Variants in DGKH observed in about 807,000 individuals in gnomAD.
DGKH encodes diacylglycerol kinase eta, also known as DAG kinase eta.
A neutral mutation model predicts 159.3 loss-of-function variants in DGKH; 90 were observed. The ratio of observed to expected loss-of-function variants is 0.57; its 90% confidence interval spans 0.48 to 0.67. The LOEUF (loss-of-function observed/expected upper bound fraction) is 0.67, where lower values mean the gene tolerates loss of function less well. Ranked by LOEUF, DGKH falls within the 30% of genes least tolerant of loss-of-function variation. DGKH has a pLI of 0.00. For missense variants in DGKH, 1,181 were observed against 1,506.1 expected (o/e 0.78, Z 3.57); for synonymous variants, 536 against 553.8 (o/e 0.97, Z 0.45).
intron 1 of DGKH, chr13:42,070,140 G>A (rs1882859044): frequency 1.1e-6 from 1 of 918,826 alleles, no homozygotes; most frequent in South Asian, 1.3e-5. Context: ...AAGAACATAT[G>A]CTCATGTAAG....
intron 1 of DGKH, among the ~76,000 whole-genome samples, chr13:42,120,110 G>A (rs1955041296): frequency 6.6e-6 from 1 of 152,158 alleles, no homozygotes; most frequent in Non-Finnish European, 1.5e-5. Context: ...CTGAACCGTT[G>A]TTTGGTTATT....
At position 42,063,948 on chromosome 13, in the gene DGKH, A is replaced by ATAT. The variant is rs554731471; in HGVS notation, c.192+14983_192+14984insTAT. ...GAGCAAAACTCCGTCTGAAAAAAAA[A>ATAT]ATATATATATATATATACTGTGGGC... On this transcript the variant is annotated intron_variant, in intron 1 of 29. Coordinates refer to ENST00000337343, the MANE Select transcript of DGKH (RefSeq NM_178009.5). Among the ~76,000 whole-genome samples, 986 of 128,830 alleles carry ATAT rather than the reference A, an allele frequency of 7.7e-3. 6 individuals carry two copies. Among genetic ancestry groups the ATAT allele is most frequent in the Non-Finnish European group, 8.6e-3 (505 of 58,576 alleles). The allele number at this position is 128,830 out of a possible 152,430, so 84.5% of individuals were successfully genotyped here.
At chr13:42,198,837 T>C (rs1271495503) in intron 18 of DGKH, among the ~76,000 whole-genome samples, 1 of 152,158 alleles carries the variant, frequency 6.6e-6, no homozygotes, top group Non-Finnish European at 1.5e-5. Context: ...AGCAACCCTC[T>C]GGCAAAGGAA....
chr13:42,253,686 C>T (rs934574403), intron 30 of DGKH, among the ~76,000 whole-genome samples: 1 of 152,126 alleles, frequency 6.6e-6, no homozygotes, highest in Non-Finnish European at 1.5e-5. Context: ...TTGAATTTAG[C>T]CATTGTGGTA....
intron 1 of DGKH, among the ~76,000 whole-genome samples, chr13:42,111,450 C>T (rs763402377): frequency 2.0e-5 from 3 of 152,022 alleles, no homozygotes; most frequent in African/African-American, 7.2e-5. Context: ...CGTGGTGGCA[C>T]GTGCCTGTAG....
chr13:42,067,584 G>T (rs1478014620), intron 1 of DGKH, among the ~76,000 whole-genome samples: 1 of 152,142 alleles, frequency 6.6e-6, no homozygotes, highest in Non-Finnish European at 1.5e-5. Flanking sequence ...ACCATTGTGT[G>T]TGCTAACGCC....
In DGKH at chr13:42,070,186, A is replaced by G. The variant is rs1398535038; in HGVS notation, c.192+21221A>G. ...CGCTTCTTCTGCTATTAACCAATCC[A>G]TGGGGCTAAATGTCAAAATTTGTTC... is the stretch of plus-strand genomic sequence containing the variant. On this transcript the variant is annotated intron_variant, in intron 1 of 29. Transcript: ENST00000337343. 21 of 950,032 alleles carry G rather than the reference A, an allele frequency of 2.2e-5. No homozygotes were observed. In the East Asian group the frequency reaches 2.9e-4, roughly 13 times the overall value. 58.9% of individuals were successfully genotyped at this position (950,032 alleles called of 1,614,324 possible). A position where few individuals can be genotyped will look rare whatever the true frequency, so the allele number is the denominator to read the frequency against.
chr13:42,219,581 A>T, intron 27 of DGKH, 105 bp from the exon 28 acceptor site: 1 of 1,239,928 alleles, frequency 8.1e-7, no homozygotes, highest in East Asian at 2.5e-5. Flanking sequence ...ACTGTTCTAT[A>T]ATGTTTAGTG....
intron 11 of DGKH, 73 bp from the exon 12 acceptor site, chr13:42,173,987 G>A (rs1300499418): frequency 2.9e-6 from 3 of 1,026,242 alleles, no homozygotes; most frequent in African/African-American, 1.6e-5. Context: ...GTGTGTGCGC[G>A]TTTATGAGAT....
At chr13:42,134,854 G>A (rs1288242797) in intron 3 of DGKH, among the ~76,000 whole-genome samples, 1 of 152,200 alleles carries the variant, frequency 6.6e-6, no homozygotes, top group East Asian at 1.9e-4. Context: ...GTGCATGCCA[G>A]TAGTTCCAGC....
intron 4 of DGKH, 134 bp from the exon 5 acceptor site, chr13:42,155,533 C>CT: frequency 6.5e-7 from 1 of 1,538,616 alleles, no homozygotes; most frequent in Non-Finnish European, 8.9e-7. Flanking sequence ...AAATTCTTAT[C>CT]TTAAAGCAAA....
chr13:42,120,506 A>C (rs1406791502), intron 1 of DGKH, among the ~76,000 whole-genome samples: 1 of 152,196 alleles, frequency 6.6e-6, no homozygotes, highest in Non-Finnish European at 1.5e-5. Context: ...GAAAATTGGA[A>C]CTCAAAATTT....
intron 24 of DGKH, among the ~76,000 whole-genome samples, chr13:42,212,542 CAACCAA>C (rs1157209643): frequency 6.6e-6 from 1 of 152,134 alleles, no homozygotes; most frequent in African/African-American, 2.4e-5. Flanking sequence ...TCCTGTGAAC[CAACCAA>C]ATAATCTTAT....
intron 15 of DGKH, among the ~76,000 whole-genome samples, chr13:42,189,998 A>G (rs577857016): frequency 6.6e-6 from 1 of 151,992 alleles, no homozygotes; most frequent in Non-Finnish European, 1.5e-5. Flanking sequence ...TAATTTCCCA[A>G]ATGTTTATGT....
chr13:42,119,113 C>T (rs1023600488), intron 1 of DGKH, among the ~76,000 whole-genome samples: 1 of 152,146 alleles, frequency 6.6e-6, no homozygotes, highest in African/African-American at 2.4e-5. Context: ...GGCTGCCTAC[C>T]TTGGGTGACA....
At chr13:42,145,368 T>A (rs1955698889) in intron 3 of DGKH, among the ~76,000 whole-genome samples, 1 of 152,162 alleles carries the variant, frequency 6.6e-6, no homozygotes, top group South Asian at 2.1e-4. Context: ...TTGTTTATTT[T>A]GTCGGTTGCC....
At chr13:42,093,788 T>C (rs1254865848) in intron 1 of DGKH, among the ~76,000 whole-genome samples, 2 of 152,190 alleles carry the variant, frequency 1.3e-5, no homozygotes, top group Non-Finnish European at 2.9e-5. Flanking sequence ...ATTCCACTTA[T>C]ATGAGGTACC....
At chr13:42,150,913 G>A (rs1316083792) in intron 3 of DGKH, among the ~76,000 whole-genome samples, 2 of 152,002 alleles carry the variant, frequency 1.3e-5, no homozygotes, top group East Asian at 3.9e-4. Flanking sequence ...GATTATCTAG[G>A]TGGGCCCAGT....
rs900930002 is a variant in DGKH, at chr13:42,235,186, A to G, written c.*5998A>G. ...TTCATGATAAACTCCATATTACATAATATAGGTGAACAGATTAATTCCCTC... is the reference window on the plus strand; with the variant it reads ...TTCATGATAAACTCCATATTACATAGTATAGGTGAACAGATTAATTCCCTC... On this transcript the variant is annotated 3_prime_UTR_variant, in exon 30 of 30. Transcript: ENST00000337343. The G allele has an allele frequency of 6.6e-6, 1 of 152,184 alleles. No homozygotes were observed. Among genetic ancestry groups the G allele is most frequent in the African/African-American group, 2.4e-5 (1 of 41,452 alleles). The allele number at this position is 152,184 out of a possible 1,614,324, so 9.4% of individuals were successfully genotyped here.
Sources: gnomAD v4.1 joint callset for allele counts (sites outside exome capture counted in the v4.1 genomes callset) on GRCh38, gnomAD v4.1.1 for gene constraint, MANE v1.5 for transcripts, NCBI Gene and HGNC (gene_info 2026-07-23, HGNC 2026-07-21) for gene names.